The following GALNT1 variants were observed in gnomAD, a reference collection of about 807,000 sequenced individuals.
GALNT1 encodes the protein GalNAc transferase 1.
A neutral mutation model predicts 65.7 loss-of-function variants in GALNT1; 17 were observed. The observed-to-expected ratio is 0.26, with a 90% confidence interval of 0.18 to 0.39. GALNT1 has a LOEUF of 0.39. Ranked by LOEUF, GALNT1 falls within the 10% of genes least tolerant of loss-of-function variation. GALNT1 has a pLI of 1.00. For synonymous variants in GALNT1, 210 were observed against 219.7 expected, an observed-to-expected ratio of 0.96 and a Z score of 0.39; for missense variants, 460 against 672.8, an observed-to-expected ratio of 0.68 and a Z score of 3.50.
intron 1 of GALNT1, among the ~76,000 whole-genome samples, chr18:35,622,687 G>A (rs924923314): frequency 7.2e-5 from 11 of 151,830 alleles, no homozygotes; most frequent in African/African-American, 1.9e-4. Flanking sequence ...TTTTTTGTTC[G>A]TTTTCTTCTT....
At chr18:35,677,838 C>T (rs1172629054) in intron 4 of GALNT1, 81 bp downstream of exon 4, 31 of 1,013,028 alleles carry the variant, frequency 3.1e-5, no homozygotes, top group Non-Finnish European at 3.8e-5. Context: ...AATTTTTAAC[C>T]TAATAATTTT....
chr18:35,588,923 A>G (rs1446107036), intron 1 of GALNT1, among the ~76,000 whole-genome samples: 1 of 151,982 alleles, frequency 6.6e-6, no homozygotes, highest in African/African-American at 2.4e-5. Context: ...TGTCTTTTTC[A>G]TTCAGTTTGA....
At chr18:35,618,065 T>A in intron 1 of GALNT1, among the ~76,000 whole-genome samples, 1 of 151,608 alleles carries the variant, frequency 6.6e-6, no homozygotes. Flanking sequence ...GCCAAGCACT[T>A]AACATGTATA....
chr18:35,651,871 T>A (rs969251294), intron 1 of GALNT1, among the ~76,000 whole-genome samples: 1 of 152,334 alleles, frequency 6.6e-6, no homozygotes, highest in African/African-American at 2.4e-5. Context: ...AAATTAACAA[T>A]CTTTTAAACA....
chr18:35,652,218 G>A (rs549837610), intron 1 of GALNT1, among the ~76,000 whole-genome samples: 41 of 152,130 alleles, frequency 2.7e-4, no homozygotes, highest in Non-Finnish European at 5.4e-4. Context: ...TTCCCTTGCG[G>A]GGAACAGTAA....
intron 3 of GALNT1, among the ~76,000 whole-genome samples, chr18:35,670,167 C>G (rs968835062): frequency 1.3e-5 from 2 of 151,988 alleles, no homozygotes; most frequent in African/African-American, 4.8e-5. Flanking sequence ...TGGTGCATGC[C>G]TATAGTCCCA....
intron 1 of GALNT1, among the ~76,000 whole-genome samples, chr18:35,647,163 C>G (rs181980744): frequency 2.0e-5 from 3 of 152,332 alleles, no homozygotes; most frequent in Admixed American, 2.0e-4. Context: ...TATTCACTGC[C>G]TGTAATGCTT....
intron 3 of GALNT1, 90 bp from the exon 4 acceptor site, chr18:35,677,501 T>C (rs1317922434): frequency 9.6e-7 from 1 of 1,038,654 alleles, no homozygotes; most frequent in Non-Finnish European, 1.4e-6. Context: ...AGCAAACTGC[T>C]TTTATTGTTC....
At chr18:35,650,497 G>A (rs919269727) in intron 1 of GALNT1, among the ~76,000 whole-genome samples, 6 of 152,152 alleles carry the variant, frequency 3.9e-5, no homozygotes, top group African/African-American at 1.4e-4. Context: ...TTTACTAGGC[G>A]GGAATTTCCT....
At chr18:35,662,182 T>A (rs2047487142) in intron 2 of GALNT1, among the ~76,000 whole-genome samples, 1 of 152,228 alleles carries the variant, frequency 6.6e-6, no homozygotes, top group African/African-American at 2.4e-5. Flanking sequence ...TTACTACACT[T>A]GTTGATGATT....
intron 9 of GALNT1, among the ~76,000 whole-genome samples, chr18:35,701,148 T>C (rs777249604): frequency 3.9e-5 from 6 of 152,092 alleles, no homozygotes; most frequent in Admixed American, 1.3e-4. Flanking sequence ...TATAGCTTAC[T>C]GCAGCCTTGA....
chr18:35,597,078 A>G (rs140816521), intron 1 of GALNT1: 2 of 152,354 alleles, frequency 1.3e-5, no homozygotes, highest in African/African-American at 4.8e-5. Context: ...CTTGGGGGCT[A>G]GGAAGCAGAA....
chr18:35,629,426 G>T (rs1420093958), intron 1 of GALNT1, among the ~76,000 whole-genome samples: 2 of 152,148 alleles, frequency 1.3e-5, no homozygotes, highest in East Asian at 3.8e-4. Context: ...CATTCTTAAA[G>T]AAAAGAATTT....
rs115217382 is a variant in GALNT1 at position 35,600,869 on chromosome 18, C to T, written c.-104+19007C>T. 7.2e-3 allele frequency among the ~76,000 whole-genome samples: 1,096 copies of T among 152,050 alleles called. 13 individuals are homozygous for T. The highest frequency in any genetic ancestry group is 0.024 in the African/African-American group (1,016 of 41,486). ...TTTTCTTGAGGATTTTTGCATATTA[C>T]GTTCATCAGGGATATTGGTCTGTAG... On this transcript the variant is annotated intron_variant, in intron 1 of 11. Transcript: ENST00000269195.
intron 3 of GALNT1, among the ~76,000 whole-genome samples, chr18:35,669,363 C>T (rs757855114): frequency 5.3e-5 from 8 of 152,184 alleles, no homozygotes; most frequent in Non-Finnish European, 1.0e-4. Flanking sequence ...ATGAAATCAG[C>T]ATGATCTTGA....
intron 1 of GALNT1, among the ~76,000 whole-genome samples, chr18:35,589,303 G>C (rs1019391617): frequency 2.6e-5 from 4 of 152,162 alleles, no homozygotes; most frequent in Non-Finnish European, 5.9e-5. Context: ...CACCACCCTG[G>C]TGTGTGGGAA....
At chr18:35,678,809 C>T (rs1356256405) in intron 4 of GALNT1, among the ~76,000 whole-genome samples, 1 of 152,206 alleles carries the variant, frequency 6.6e-6, no homozygotes, top group African/African-American at 2.4e-5. Flanking sequence ...CTTTCTCCTT[C>T]CTGTGTCCAC....
At chr18:35,634,780 T>C (rs2047067716) in intron 1 of GALNT1, among the ~76,000 whole-genome samples, 2 of 152,198 alleles carry the variant, frequency 1.3e-5, no homozygotes, top group Non-Finnish European at 2.9e-5. Flanking sequence ...ATCACGCTTA[T>C]CATTTAGGAA....
intron 1 of GALNT1, among the ~76,000 whole-genome samples, chr18:35,612,093 G>T (rs1432826565): frequency 6.6e-6 from 1 of 152,040 alleles, no homozygotes; most frequent in Non-Finnish European, 1.5e-5. Context: ...TAGCTTTGTT[G>T]TCTACATTTT....
Sources: gnomAD v4.1 joint callset for allele counts (sites outside exome capture counted in the v4.1 genomes callset) on GRCh38, gnomAD v4.1.1 for gene constraint, MANE v1.5 for transcripts, NCBI Gene and HGNC (gene_info 2026-07-23, HGNC 2026-07-21) for gene names.